RANBP2: variants seen among roughly 807,000 people sequenced by gnomAD.
RANBP2 encodes the protein E3 SUMO-protein ligase RanBP2.
A neutral mutation model predicts 303.6 loss-of-function variants in RANBP2; 57 were observed. The observed-to-expected ratio is 0.19, with a 90% CI of 0.15 to 0.23. RANBP2 has a LOEUF of 0.23. RANBP2 is among the 10% of genes least tolerant of loss of function. The pLI is 1.00. For missense variants in RANBP2, 3,138 were observed against 3,780.8 expected (o/e 0.83, Z 4.46); for synonymous variants, 1,167 against 1,301.5 (o/e 0.90, Z 2.23).
chr2:109,162,886 A>AC, the RANBP2 span, among the ~76,000 whole-genome samples: 2 of 150,614 alleles, frequency 1.3e-5, no homozygotes, highest in East Asian at 2.0e-4. Context: ...TACCAAAAAA[A>AC]CCACCTCTTG....
chr2:108,897,243 T>A, the RANBP2 span: 5 of 1,610,040 alleles, frequency 3.1e-6, no homozygotes, highest in Non-Finnish European at 1.7e-6. Flanking sequence ...CAGACACCAA[T>A]GGCCACAGTT....
the RANBP2 span, among the ~76,000 whole-genome samples, chr2:109,125,238 T>C: frequency 6.6e-6 from 1 of 152,216 alleles, no homozygotes; most frequent in East Asian, 1.9e-4. Flanking sequence ...TCCCAGAGTG[T>C]GGTGGGGGAG....
At chr2:109,551,880 C>G in the RANBP2 span, among the ~76,000 whole-genome samples, 1 of 152,178 alleles carries the variant, frequency 6.6e-6, no homozygotes, top group Admixed American at 6.5e-5. Context: ...AACAAAACTA[C>G]AGAAGTTCAG....
At chr2:109,318,758 A>G in the RANBP2 span, among the ~76,000 whole-genome samples, 6 of 152,144 alleles carry the variant, frequency 3.9e-5, no homozygotes, top group Non-Finnish European at 8.8e-5. Context: ...GTCTCATCCA[A>G]TCTAAAGACA....
At chr2:109,275,883 T>C in the RANBP2 span, among the ~76,000 whole-genome samples, 2 of 152,192 alleles carry the variant, frequency 1.3e-5, no homozygotes, top group African/African-American at 4.8e-5. Context: ...GAGTCCACTC[T>C]AGGTTTATGG....
chr2:109,680,032 G>T, the RANBP2 span, among the ~76,000 whole-genome samples: 1,311 of 151,660 alleles, frequency 8.6e-3, 8 homozygotes, highest in Non-Finnish European at 0.014. Context: ...AACCTAGAGA[G>T]AAAAAATAAA....
At chr2:108,788,242 A>T (rs184604665), downstream of RANBP2, among the ~76,000 whole-genome samples, 74 of 151,158 alleles carry the variant, frequency 4.9e-4, no homozygotes, top group African/African-American at 1.7e-3. Flanking sequence ...AACATAGTGA[A>T]ATCCCGTCTC....
the RANBP2 span, among the ~76,000 whole-genome samples, chr2:109,293,523 G>A: frequency 2.0e-5 from 3 of 152,244 alleles, no homozygotes; most frequent in East Asian, 5.8e-4. Context: ...ATGTCAGGCA[G>A]TCATCCTCTG....
the RANBP2 span, among the ~76,000 whole-genome samples, chr2:109,162,941 G>T: frequency 6.6e-6 from 1 of 152,164 alleles, no homozygotes; most frequent in African/African-American, 2.4e-5. Flanking sequence ...TGCCTTTCAA[G>T]ATAGCTGAAA....
the RANBP2 span, among the ~76,000 whole-genome samples, chr2:109,511,575 C>G: frequency 6.6e-6 from 1 of 152,180 alleles, no homozygotes; most frequent in South Asian, 2.1e-4. Flanking sequence ...TGTGGCAAGG[C>G]TCAGATCACC....
chr2:109,091,088 A>G, the RANBP2 span, among the ~76,000 whole-genome samples: 7 of 152,280 alleles, frequency 4.6e-5, no homozygotes, highest in Admixed American at 6.5e-5. Flanking sequence ...TAAAATAGTC[A>G]GGCATGGTGG....
the RANBP2 span, among the ~76,000 whole-genome samples, chr2:109,036,329 G>C: frequency 1.3e-5 from 2 of 152,226 alleles, no homozygotes; most frequent in South Asian, 4.1e-4. Context: ...ACGTTTCCTG[G>C]CTCATTGTAT....
the RANBP2 span, among the ~76,000 whole-genome samples, chr2:109,166,112 T>A: frequency 1.3e-5 from 2 of 152,156 alleles, no homozygotes; most frequent in Non-Finnish European, 2.9e-5. Context: ...AGCTTAGGAA[T>A]GGGTCAGGCA....
At chr2:108,839,291 C>T in the RANBP2 span, 2 of 1,610,398 alleles carry the variant, frequency 1.2e-6, no homozygotes, top group South Asian at 1.1e-5. Context: ...CAGCTAGATG[C>T]TGGAGCACAG....
At chr2:108,878,891 C>T in the RANBP2 span, among the ~76,000 whole-genome samples, 1 of 151,594 alleles carries the variant, frequency 6.6e-6, no homozygotes, top group Non-Finnish European at 1.5e-5. Context: ...ATCAAGGAAA[C>T]TATTAAAAAT....
chr2:109,574,173 T>C, the RANBP2 span, among the ~76,000 whole-genome samples: 6 of 152,104 alleles, frequency 3.9e-5, 1 homozygote, highest in African/African-American at 1.4e-4. Flanking sequence ...GCATGGTGGC[T>C]CATGCCTGTA....
At chr2:108,833,971 C>T in the RANBP2 span, among the ~76,000 whole-genome samples, 6 of 132,444 alleles carry the variant, frequency 4.5e-5, no homozygotes, top group Admixed American at 3.6e-4. Flanking sequence ...TGGTCTCTAT[C>T]TCCTGATCTC....
chr2:108,760,332 A>G (rs542398478), intron 18 of RANBP2, among the ~76,000 whole-genome samples: 3 of 151,214 alleles, frequency 2.0e-5, no homozygotes, highest in African/African-American at 7.3e-5. Flanking sequence ...TAGATGAGCT[A>G]GCCTGTTTTT....
At chr2:109,628,714 C>T in the RANBP2 span, among the ~76,000 whole-genome samples, 49 of 152,166 alleles carry the variant, frequency 3.2e-4, no homozygotes, top group African/African-American at 1.1e-3. Flanking sequence ...AACCTGTCCA[C>T]GTTGTGCTTC....
Sources: gnomAD v4.1 joint callset for allele counts (sites outside exome capture counted in the v4.1 genomes callset) on GRCh38, gnomAD v4.1.1 for gene constraint, MANE v1.5 for transcripts, NCBI Gene and HGNC (gene_info 2026-07-23, HGNC 2026-07-21) for gene names.